MTREX: variants seen among roughly 807,000 people sequenced by gnomAD.
The protein encoded by MTREX is Mtr4 exosome RNA helicase.
In MTREX, 76 loss-of-function variants were observed where a neutral mutation model predicts 135.4. The observed-to-expected ratio is 0.56, with a 90% CI of 0.47 to 0.68. The LOEUF is 0.68. MTREX is among the 30% of genes least tolerant of loss of function. The pLI is 0.00. For missense variants in MTREX, 920 were observed against 1,262.1 expected (o/e 0.73, Z 4.11); for synonymous variants, 404 against 401.6 (o/e 1.01, Z -0.07).
chr5:55,343,298 C>G (rs1157629810), intron 7 of MTREX, 33 bp from the exon 8 acceptor site: 1 of 1,571,150 alleles, frequency 6.4e-7, no homozygotes, highest in East Asian at 2.3e-5. Context: ...TGTAGTCCAA[C>G]TATAGTCCAA....
At position 55,425,277 on chromosome 5, in the gene MTREX, C is replaced by T. The variant is rs201423535; in HGVS notation, c.*505C>T. ...TCATGCAGAGTTGTATGAGAGTCCT[C>T]CTCTTTTCTTTCTTTAAAAGAAGTT... On this transcript the variant is annotated 3_prime_UTR_variant, in exon 27 of 27. Coordinates refer to ENST00000230640, the MANE Select transcript of MTREX (RefSeq NM_015360.5). 18 of 1,612,044 alleles carry T rather than the reference C, an allele frequency of 1.1e-5. No homozygotes were observed. Among genetic ancestry groups the T allele is most frequent in the Non-Finnish European group, 5.9e-6 (7 of 1,178,324 alleles).
intron 20 of MTREX, among the ~76,000 whole-genome samples, chr5:55,398,279 C>T (rs1472948558): frequency 1.4e-4 from 6 of 42,738 alleles, no homozygotes; most frequent in East Asian, 4.1e-4. Flanking sequence ...GTGATTTTAA[C>T]GAAGTTATTT....
At chr5:55,380,866 G>A (rs993203129) in intron 18 of MTREX, among the ~76,000 whole-genome samples, 2 of 152,118 alleles carry the variant, frequency 1.3e-5, no homozygotes, top group South Asian at 2.1e-4. Flanking sequence ...TTTGGAAGAG[G>A]TTTTGAAGAA....
intron 15 of MTREX, among the ~76,000 whole-genome samples, chr5:55,363,825 T>C (rs1177477881): frequency 1.3e-5 from 2 of 152,224 alleles, no homozygotes; most frequent in Non-Finnish European, 2.9e-5. Context: ...GACAGAAAAC[T>C]GTTATGAATG....
chr5:55,334,941 C>T (rs1299681702), intron 5 of MTREX, among the ~76,000 whole-genome samples: 1 of 152,022 alleles, frequency 6.6e-6, no homozygotes, highest in Non-Finnish European at 1.5e-5. Context: ...TTTAATGTGG[C>T]TGTACCATTT....
intron 23 of MTREX, among the ~76,000 whole-genome samples, chr5:55,413,113 G>C (rs980862246): frequency 2.0e-5 from 3 of 151,798 alleles, no homozygotes; most frequent in Non-Finnish European, 2.9e-5. Context: ...AGGCTGAGGC[G>C]GGCAGATCAT....
At chr5:55,320,464 G>T (rs10056976) in intron 1 of MTREX, among the ~76,000 whole-genome samples, 28,324 of 151,892 alleles carry the variant, frequency 0.19, 2,681 homozygotes, top group Admixed American at 0.19. Flanking sequence ...TGATCTGCCC[G>T]CCTTGGCCTC....
At chr5:55,407,435 A>T (rs1212020328) in intron 22 of MTREX, among the ~76,000 whole-genome samples, 3 of 152,252 alleles carry the variant, frequency 2.0e-5, no homozygotes, top group African/African-American at 7.2e-5. Context: ...TTTTACAATT[A>T]ATATAGAAAT....
At chr5:55,400,198 A>AT (rs1157234517) in intron 20 of MTREX, 35 bp from the exon 21 acceptor site, 1 of 1,490,526 alleles carries the variant, frequency 6.7e-7, no homozygotes, top group East Asian at 2.3e-5. Flanking sequence ...AATTTTGACT[A>AT]TAAGATGAAA....
intron 23 of MTREX, among the ~76,000 whole-genome samples, chr5:55,411,610 C>T (rs1014558786): frequency 1.3e-5 from 2 of 152,058 alleles, no homozygotes; most frequent in Non-Finnish European, 2.9e-5. Flanking sequence ...GTACTTTTCT[C>T]AGGTCCCTGA....
At chr5:55,308,222 A>G in intron 1 of MTREX, 75 bp downstream of exon 1, 1 of 1,483,810 alleles carries the variant, frequency 6.7e-7, no homozygotes, top group Non-Finnish European at 9.0e-7. Context: ...TCTCTTAGGA[A>G]GAGCACGAGA....
chr5:55,364,927 G>A (rs1269579138), intron 15 of MTREX, among the ~76,000 whole-genome samples: 4 of 152,196 alleles, frequency 2.6e-5, no homozygotes, highest in Non-Finnish European at 4.4e-5. Context: ...AGATAGTATA[G>A]TGATGTTATT....
chr5:55,334,532 A>G (rs1749523756), intron 5 of MTREX, among the ~76,000 whole-genome samples: 1 of 152,116 alleles, frequency 6.6e-6, no homozygotes, highest in Admixed American at 6.5e-5. Flanking sequence ...TTGTTTATAT[A>G]TGTAAAACAA....
At chr5:55,348,517 G>A (rs967321051) in intron 11 of MTREX, among the ~76,000 whole-genome samples, 2 of 152,160 alleles carry the variant, frequency 1.3e-5, no homozygotes, top group Non-Finnish European at 2.9e-5. Context: ...ACAGTGAAAA[G>A]TAAATAATAT....
At chr5:55,392,876 C>T (rs1414007216) in intron 19 of MTREX, among the ~76,000 whole-genome samples, 1 of 152,186 alleles carries the variant, frequency 6.6e-6, no homozygotes, top group Non-Finnish European at 1.5e-5. Context: ...CTCAGGCAGC[C>T]ATGGTGTTAA....
chr5:55,371,009 A>T (rs763584587), intron 16 of MTREX, among the ~76,000 whole-genome samples: 1 of 152,232 alleles, frequency 6.6e-6, no homozygotes, highest in Non-Finnish European at 1.5e-5. Context: ...TCAGTGAGCC[A>T]TAAGAGTAGA....
chr5:55,328,957 A>G, intron 5 of MTREX, 146 bp downstream of exon 5: 1 of 504,584 alleles, frequency 2.0e-6, no homozygotes, highest in African/African-American at 2.0e-5. Context: ...AACCTCTAAT[A>G]CAATGTTTAC....
intron 1 of MTREX, 143 bp from the exon 2 acceptor site, chr5:55,322,184 C>T (rs529817490): frequency 2.9e-5 from 16 of 555,250 alleles, no homozygotes; most frequent in Admixed American, 7.1e-5. Flanking sequence ...TAAGGTATTC[C>T]GGGCTTCAGC....
At chr5:55,335,192 T>G (rs1371098247) in intron 5 of MTREX, among the ~76,000 whole-genome samples, 1 of 152,136 alleles carries the variant, frequency 6.6e-6, no homozygotes, top group Non-Finnish European at 1.5e-5. Flanking sequence ...AATTGCGTTG[T>G]AAGAAGTCTT....
Sources: allele counts gnomAD v4.1 joint callset (sites outside exome capture counted in the v4.1 genomes callset), GRCh38; gene constraint gnomAD v4.1.1; transcripts MANE v1.5; gene names NCBI Gene and HGNC (gene_info 2026-07-23, HGNC 2026-07-21).